Variants in LIPM observed in about 807,000 individuals in gnomAD.
LIPM encodes the protein lipase member M.
Under a neutral mutation model 42.4 loss-of-function variants are expected in LIPM, and 42 were observed. The ratio of observed to expected loss-of-function variants is 0.99; its 90% confidence interval spans 0.77 to 1.28. LIPM has a LOEUF of 1.28. LIPM is among the 50% of genes most tolerant of loss of function. The pLI, the probability that LIPM is intolerant of heterozygous loss-of-function variation, is 0.00. For synonymous variants in LIPM, 177 were observed against 173.3 expected (o/e 1.02, Z -0.17); for missense variants, 524 against 520.1 (o/e 1.01, Z -0.07).
Position 88,802,836 on chromosome 10 carries a change from T to G in LIPM, c.-61T>G, listed in dbSNP as rs1042245317. 1 of 1,481,118 alleles carries G rather than the reference T, an allele frequency of 6.8e-7. No homozygotes were observed. Among genetic ancestry groups the G allele is most frequent in the Non-Finnish European group, 9.0e-7 (1 of 1,109,984 alleles). 91.7% of individuals were successfully genotyped at this position (1,481,118 alleles called of 1,614,324 possible). On this transcript the variant is annotated 5_prime_UTR_variant, in exon 1 of 9. The change creates a new upstream start codon in the 5' untranslated region. Coordinates refer to ENST00000404743, the MANE Select transcript of LIPM (RefSeq NM_001128215.1). The stretch of plus-strand genomic sequence containing the variant: ...GTGAAGAGTTTTTAAACCCACAAAT[T>G]CTTCTTACTTTAGAATTAGTTGTTA...
intron 1 of LIPM, among the ~76,000 whole-genome samples, chr10:88,805,736 T>C (rs1017171257): frequency 6.6e-6 from 1 of 152,182 alleles, no homozygotes; most frequent in Non-Finnish European, 1.5e-5. Flanking sequence ...TTATGTTCCA[T>C]TTTTTTAAAT....
intron 4 of LIPM, 34 bp downstream of exon 4, chr10:88,814,673 G>A (rs1477841946): frequency 6.8e-7 from 1 of 1,460,282 alleles, no homozygotes; most frequent in East Asian, 2.5e-5. Flanking sequence ...TGTATACTCG[G>A]AAGAAATGTG....
chr10:88,811,949 A>T (rs1218094518), intron 2 of LIPM, among the ~76,000 whole-genome samples: 3 of 152,172 alleles, frequency 2.0e-5, no homozygotes, highest in African/African-American at 7.2e-5. Context: ...TCTATATCCA[A>T]ATTTTGTCAA....
chr10:88,817,360 A>G (rs948410285), intron 7 of LIPM, among the ~76,000 whole-genome samples: 2 of 152,216 alleles, frequency 1.3e-5, no homozygotes, highest in African/African-American at 4.8e-5. Context: ...TGTGTGAAAG[A>G]GAGGGATGGG....
In LIPM at chr10:88,808,339, T is replaced by C. The variant is rs745454854; in HGVS notation, c.189T>C (p.Tyr63=). ...IQHQGYPCEE[Y]EVATEDGYIL... ...ATCAAGGCTATCCCTGTGAGGAATA[T>C]GAAGTCGCAACTGAAGATGGGTATA... is the stretch of plus-strand genomic sequence containing the variant. The change falls in exon 2 of 9, where the codon TAT becomes TAC. Residue 63 remains tyrosine, a synonymous_variant. Transcript: ENST00000404743. 1.7e-5 allele frequency: 27 copies of C among 1,551,374 alleles called. No individual in the cohort carries two copies. The highest frequency in any genetic ancestry group is 2.4e-5 in the Non-Finnish European group (27 of 1,146,782).
chr10:88,803,619 GTT>G (rs34653288), intron 1 of LIPM, among the ~76,000 whole-genome samples: 1,602 of 122,046 alleles, frequency 0.013, 16 homozygotes, highest in African/African-American at 0.038. Context: ...TTCCCAGGAG[GTT>G]TTTTTTTTTT....
intron 2 of LIPM, among the ~76,000 whole-genome samples, chr10:88,810,178 T>G (rs573110926): frequency 4.6e-5 from 7 of 152,218 alleles, no homozygotes; most frequent in Non-Finnish European, 8.8e-5. Context: ...CACATTCTGG[T>G]GCTAATAAAT....
At chr10:88,814,064 G>A (rs1843686965) in intron 3 of LIPM, among the ~76,000 whole-genome samples, 1 of 152,076 alleles carries the variant, frequency 6.6e-6, no homozygotes, top group African/African-American at 2.4e-5. Context: ...AGGGACCATC[G>A]ATTTGACTTA....
intron 6 of LIPM, among the ~76,000 whole-genome samples, chr10:88,815,725 A>G (rs192917074): frequency 1.6e-4 from 24 of 152,382 alleles, no homozygotes; most frequent in Non-Finnish European, 3.1e-4. Flanking sequence ...CAGATTATAG[A>G]TGGAAGAGGT....
Position 88,813,310 on chromosome 10 carries a change from C to T in LIPM, c.464+15C>T, listed in dbSNP as rs772727501. ...TGGGCTTTCAGGTATATGATAATCT[C>T]GAGAACAGAGGTAGACATGTCTGTC... On this transcript the variant is annotated intron_variant, in intron 3 of 8. Coordinates refer to ENST00000404743, the MANE Select transcript of LIPM (RefSeq NM_001128215.1). The T allele has an allele frequency of 4.9e-5, 76 of 1,544,060 alleles. No individual in the cohort carries two copies. Among genetic ancestry groups the T allele is most frequent in the South Asian group, 1.7e-4 (14 of 82,344 alleles).
chr10:88,820,168 A>C, intron 8 of LIPM, 64 bp from the exon 9 acceptor site: 1 of 1,331,006 alleles, frequency 7.5e-7, no homozygotes, highest in Non-Finnish European at 1.0e-6. Flanking sequence ...TCTATTTGAA[A>C]CATAAATTAT....
Position 88,816,854 on chromosome 10 carries a change from A to G in LIPM, c.897A>G (p.Gly299=). Residue 299 remains glycine, a synonymous_variant, in exon 7 of 9, where the codon GGA becomes GGG. Coordinates refer to ENST00000404743, the MANE Select transcript of LIPM (RefSeq NM_001128215.1). Reference sequence around the variant, plus strand: ...TATATGCTGCCCACACTCTTGCTGGAACATCTGTGCAAAATATTCTACACT... The same window carrying G: ...TATATGCTGCCCACACTCTTGCTGGGACATCTGTGCAAAATATTCTACACT... The part of the protein sequence containing the change: ...ASVYAAHTLA[G]TSVQNILHWS... The G allele has an allele frequency of 6.4e-7, 1 of 1,551,530 alleles. No homozygotes were observed. Among genetic ancestry groups the G allele is most frequent in the Non-Finnish European group, 8.7e-7 (1 of 1,146,856 alleles).
intron 5 of LIPM, 34 bp from the exon 6 acceptor site, chr10:88,815,323 T>C: frequency 6.5e-7 from 1 of 1,549,440 alleles, no homozygotes; most frequent in Middle Eastern, 1.7e-4. Context: ...ATCTTTTCTG[T>C]CTGTCATGTC....
intron 1 of LIPM, among the ~76,000 whole-genome samples, chr10:88,807,626 G>GT (rs146385971): frequency 0.012 from 1,848 of 152,312 alleles, 10 homozygotes; most frequent in Middle Eastern, 0.027. Context: ...GCAAAACCAT[G>GT]TTTTTGTATC....
chr10:88,805,336 A>C (rs1171492632), intron 1 of LIPM, among the ~76,000 whole-genome samples: 2 of 152,250 alleles, frequency 1.3e-5, no homozygotes, highest in Admixed American at 1.3e-4. Flanking sequence ...GATAAATGGC[A>C]GTTGCTTGAG....
chr10:88,816,664 C>T (rs1031793599), intron 6 of LIPM, among the ~76,000 whole-genome samples, 152 bp from the exon 7 acceptor site: 4 of 152,110 alleles, frequency 2.6e-5, no homozygotes, highest in Non-Finnish European at 4.4e-5. Flanking sequence ...ATTTTATTTA[C>T]GTGCATGTAC....
rs775675769 is a variant in LIPM, at chr10:88,820,541, G to A, written c.*40G>A. On this transcript the variant is annotated 3_prime_UTR_variant, in exon 9 of 9. Coordinates refer to ENST00000404743, the MANE Select transcript of LIPM (RefSeq NM_001128215.1). The stretch of plus-strand genomic sequence containing the variant: ...ACGATCTTAGGACAACCTCCTGAGG[G>A]ATGGGGCTAGGACCCATGAAGGCAG... 2.0e-5 allele frequency: 31 copies of A among 1,529,828 alleles called. No homozygotes were observed. Among genetic ancestry groups the A allele is most frequent in the Non-Finnish European group, 2.7e-5 (31 of 1,138,474 alleles). The allele number at this position is 1,529,828 out of a possible 1,614,324, so 94.8% of individuals were successfully genotyped here.
At chr10:88,803,650 CA>C (rs1370617901) in intron 1 of LIPM, among the ~76,000 whole-genome samples, 1 of 85,010 alleles carries the variant, frequency 1.2e-5, no homozygotes, top group Non-Finnish European at 2.5e-5. Context: ...GGTAGCTTTT[CA>C]AATTCTAAGC....
chr10:88,803,414 T>C (rs1441303692), intron 1 of LIPM, among the ~76,000 whole-genome samples: 1 of 152,206 alleles, frequency 6.6e-6, no homozygotes, highest in African/African-American at 2.4e-5. Flanking sequence ...TTTTTCCATA[T>C]TGCAAAGGTG....
Sources: allele counts gnomAD v4.1 joint callset (sites outside exome capture counted in the v4.1 genomes callset), GRCh38; gene constraint gnomAD v4.1.1; transcripts MANE v1.5; gene names NCBI Gene and HGNC (gene_info 2026-07-23, HGNC 2026-07-21).